The following SLC43A1 variants were observed in gnomAD, a reference collection of about 807,000 sequenced individuals.
The protein encoded by SLC43A1 is large neutral amino acids transporter small subunit 3.
In SLC43A1, 31 loss-of-function variants were observed where a neutral mutation model predicts 59.5. The ratio of observed to expected loss-of-function variants is 0.52; its 90% CI spans 0.39 to 0.70. SLC43A1 has a LOEUF of 0.70. Ranked by LOEUF, SLC43A1 falls within the 30% of genes least tolerant of loss-of-function variation. The probability of loss-of-function intolerance (pLI) is 0.00; values close to 1 mark genes in which losing one functional copy is unlikely to be tolerated. For synonymous variants in SLC43A1, 259 were observed against 290.9 expected (o/e 0.89, Z 1.12); for missense variants, 598 against 717.8 (o/e 0.83, Z 1.91).
Position 57,491,733 on chromosome 11 carries a change from G to A in SLC43A1, c.1001C>T (p.Thr334Ile). 1 of 1,614,246 alleles carries A rather than the reference G, an allele frequency of 6.2e-7. No homozygotes were observed. The highest frequency in any genetic ancestry group is 8.5e-7 in the Non-Finnish European group (1 of 1,180,040). ...TGCCTCACCATGCTCCTGGCCACCA[G>A]TCACAAGGTACTCCAGCATCTTGTT... ...AVNKMLEYLV[T>I]GGQEHETNEQ... The change falls in exon 9 of 15, where the codon ACT (threonine) becomes ATT (isoleucine). Residue 334 changes from threonine to isoleucine, a missense_variant. Coordinates refer to ENST00000278426, the MANE Select transcript of SLC43A1 (RefSeq NM_003627.6).
In SLC43A1 at chr11:57,502,688, T is replaced by C. The variant is rs548504868; in HGVS notation, c.155-1359A>G. Among the ~76,000 whole-genome samples, 9 of 151,956 alleles carry C rather than the reference T, an allele frequency of 5.9e-5. No individual in the cohort carries two copies. The South Asian group carries it at 8.3e-4, about 14-fold the overall frequency. On this transcript the variant is annotated intron_variant, in intron 2 of 14. Transcript: ENST00000278426. ...GAGTTCAAGACCAGCCTGAGCAACATTGGGAAACCTTGTCTTTACAAAACA... is the reference window on the plus strand; with the variant it reads ...GAGTTCAAGACCAGCCTGAGCAACACTGGGAAACCTTGTCTTTACAAAACA...
Position 57,491,620 on chromosome 11 carries a change from T to C in SLC43A1, c.1025A>G (p.Asn342Ser), listed in dbSNP as rs1204407979. ...LVTGGQEHETNEQQQKVAETV... is the reference protein window; with the variant it reads ...LVTGGQEHETSEQQQKVAETV... ...CTCTGCCACCTTTTGTTGCTGTTCA[T>C]TTGTCTCTGTGGGTAGGGAAACGTA... is the stretch of plus-strand genomic sequence containing the variant. Residue 342 changes from asparagine to serine, a missense_variant, in exon 10 of 15, where the codon AAT (asparagine) becomes AGT (serine). Coordinates refer to ENST00000278426, the MANE Select transcript of SLC43A1 (RefSeq NM_003627.6). The C allele has an allele frequency of 1.9e-6, 3 of 1,614,036 alleles. No homozygotes were observed. Among genetic ancestry groups the C allele is most frequent in the Non-Finnish European group, 2.5e-6 (3 of 1,180,030 alleles).
chr11:57,507,569 G>C (rs756776518), intron 2 of SLC43A1, among the ~76,000 whole-genome samples: 11 of 152,220 alleles, frequency 7.2e-5, no homozygotes, highest in Admixed American at 2.6e-4. Context: ...CTTGTATCCA[G>C]GAGGCTGAAG....
chr11:57,507,932 A>G (rs918085287), intron 2 of SLC43A1, among the ~76,000 whole-genome samples: 4 of 152,188 alleles, frequency 2.6e-5, no homozygotes, highest in African/African-American at 9.7e-5. Flanking sequence ...TAAGGTATGG[A>G]TTACTAGTCC....
intron 14 of SLC43A1, among the ~76,000 whole-genome samples, chr11:57,485,454 A>G (rs529815516): frequency 6.6e-6 from 1 of 152,358 alleles, no homozygotes; most frequent in East Asian, 1.9e-4. Flanking sequence ...AGGTATAACA[A>G]GTGGCAGGGC....
chr11:57,495,943 C>G lies in SLC43A1; in HGVS notation c.692+88G>C. On this transcript the variant is annotated intron_variant, in intron 7 of 14. Transcript: ENST00000278426. ...GCCAAGCAGAGGTCCAAGCCGAGGT[C>G]TCTCTGAATCCAAAGTTAATTCCGT... 9 of 1,468,762 alleles carry G rather than the reference C, an allele frequency of 6.1e-6. No individual in the cohort carries two copies. In the South Asian group the frequency reaches 6.7e-5, roughly 11 times the overall value. 91.0% of individuals were successfully genotyped at this position (1,468,762 alleles called of 1,614,324 possible).
chr11:57,498,797 G>A (rs1468635701), intron 5 of SLC43A1, among the ~76,000 whole-genome samples: 1 of 152,194 alleles, frequency 6.6e-6, no homozygotes, highest in Non-Finnish European at 1.5e-5. Context: ...ACCCACACCA[G>A]GAGAGAATTT....
Position 57,515,528 on chromosome 11 carries a change from G to A in SLC43A1, c.-98C>T, listed in dbSNP as rs1017418363. On this transcript the variant is annotated 5_prime_UTR_variant, in exon 1 of 15. Transcript: ENST00000278426. This position sits in a 1 kb window ranked among gnomAD's most constrained non-coding sequence, Gnocchi z 5.3. Reference sequence around the variant, plus strand: ...TTCGCGGCGCGTCCGGAGTCCCGTGGGCCCAGCCCTGAGCCGCGCCGGCGC... The same window carrying A: ...TTCGCGGCGCGTCCGGAGTCCCGTGAGCCCAGCCCTGAGCCGCGCCGGCGC... The A allele has an allele frequency of 6.6e-6, 1 of 152,224 alleles. No individual in the cohort carries two copies. Among genetic ancestry groups the A allele is most frequent in the African/African-American group, 2.4e-5 (1 of 41,458 alleles). 9.4% of individuals were successfully genotyped at this position (152,224 alleles called of 1,614,324 possible).
rs1275909025 is a variant in SLC43A1 at position 57,488,862 on chromosome 11, T to A, written c.1409+54A>T. The A allele has an allele frequency of 8.8e-6, 13 of 1,479,988 alleles. No individual in the cohort carries two copies. The East Asian group carries it at 2.7e-4, about 31-fold the overall frequency. 91.7% of individuals were successfully genotyped at this position (1,479,988 alleles called of 1,614,324 possible). ...GGGCCCTCCCAACCCTTCCCTGGGG[T>A]TCTCTGATCACGGTTGCAAAGCTCA... is the stretch of plus-strand genomic sequence containing the variant. On this transcript the variant is annotated intron_variant, in intron 13 of 14. Transcript: ENST00000278426.
At chr11:57,510,734 G>C (rs559842216) in intron 2 of SLC43A1, among the ~76,000 whole-genome samples, 1 of 152,060 alleles carries the variant, frequency 6.6e-6, no homozygotes, top group East Asian at 1.9e-4. Flanking sequence ...GCTCACGCCT[G>C]TAAATTCCAG....
intron 2 of SLC43A1, among the ~76,000 whole-genome samples, chr11:57,502,419 G>T (rs1944290500): frequency 6.6e-6 from 1 of 152,226 alleles, no homozygotes; most frequent in African/African-American, 2.4e-5. Context: ...AAAGAGCTTT[G>T]CACAGTGCCT....
intron 2 of SLC43A1, among the ~76,000 whole-genome samples, chr11:57,511,945 TAC>T (rs1190266541): frequency 6.6e-6 from 1 of 152,146 alleles, no homozygotes; most frequent in Admixed American, 6.5e-5. Context: ...CTGCTAATGG[TAC>T]AGAGTTACTT....
chr11:57,501,209 A>C lies in SLC43A1; in HGVS notation c.275T>G (p.Leu92Arg), dbSNP rs751303744. Residue 92 changes from leucine (L) to arginine (R), a missense_variant, in exon 3 of 15, where the codon CTG becomes CGG. By Grantham distance (102) the Leu-to-Arg change is moderately radical. Transcript: ENST00000278426. ...IGSFVLSATT[L>R]PLGILMDRFG... Reference sequence around the variant, plus strand: ...GCGGTCCATGAGGATCCCCAGTGGCAGGGTGGTGGCGCTGAGCACGAAGGA... The same window carrying C: ...GCGGTCCATGAGGATCCCCAGTGGCCGGGTGGTGGCGCTGAGCACGAAGGA... 1.2e-6 allele frequency: 2 copies of C among 1,612,444 alleles called. No individual in the cohort carries two copies. The highest frequency in any genetic ancestry group is 1.7e-6 in the Non-Finnish European group (2 of 1,180,030).
chr11:57,491,499 T>TG (rs1943900611), intron 10 of SLC43A1, 92 bp downstream of exon 10: 2 of 1,592,264 alleles, frequency 1.3e-6, no homozygotes, highest in African/African-American at 2.7e-5. Context: ...AAGGGTTACC[T>TG]GGGTGGGCCC....
intron 2 of SLC43A1, among the ~76,000 whole-genome samples, chr11:57,503,531 C>T (rs11229043): frequency 0.1 from 15,531 of 152,036 alleles, 1,024 homozygotes; most frequent in Admixed American, 0.14. Context: ...AACTGTTGCC[C>T]AGGCTGGTCT....
At position 57,515,169 on chromosome 11, in the gene SLC43A1, G is replaced by A. The variant is rs1944657052; in HGVS notation, c.-14+275C>T. 1.1e-5 allele frequency: 7 copies of A among 635,930 alleles called. No homozygotes were observed. Among genetic ancestry groups the A allele is most frequent in the East Asian group, 1.4e-4 (1 of 7,208 alleles). The allele number at this position is 635,930 out of a possible 1,614,324, so 39.4% of individuals were successfully genotyped here. A position where few individuals can be genotyped will look rare whatever the true frequency, so the allele number is the denominator to read the frequency against. Reference sequence around the variant, plus strand: ...GGGGCTTTGGGTTCAAGCGCTCCAGGAGGTCCGCTGGAACTCTGGCAAACG... The same window carrying A: ...GGGGCTTTGGGTTCAAGCGCTCCAGAAGGTCCGCTGGAACTCTGGCAAACG... On this transcript the variant is annotated intron_variant, in intron 1 of 14. Coordinates refer to ENST00000278426, the MANE Select transcript of SLC43A1 (RefSeq NM_003627.6). The surrounding 1 kb of genome is among the most constrained non-coding windows in gnomAD (Gnocchi z 5.3).
At chr11:57,498,605 G>A (rs1356462704) in intron 5 of SLC43A1, among the ~76,000 whole-genome samples, 1 of 152,066 alleles carries the variant, frequency 6.6e-6, no homozygotes, top group Non-Finnish European at 1.5e-5. Flanking sequence ...CCAAGGCTGT[G>A]ACCATGGCTG....
chr11:57,507,811 T>C (rs969371648), intron 2 of SLC43A1, among the ~76,000 whole-genome samples: 1 of 152,140 alleles, frequency 6.6e-6, no homozygotes, highest in Non-Finnish European at 1.5e-5. Context: ...CCAGAGAAGA[T>C]AAGGTCACAT....
intron 13 of SLC43A1, among the ~76,000 whole-genome samples, chr11:57,487,821 T>C (rs774053470): frequency 6.6e-6 from 1 of 151,880 alleles, no homozygotes; most frequent in Non-Finnish European, 1.5e-5. Flanking sequence ...GAAGGTAAGA[T>C]TGGGCACCTT....
Sources: allele counts gnomAD v4.1 joint callset (sites outside exome capture counted in the v4.1 genomes callset), GRCh38; gene constraint gnomAD v4.1.1; non-coding constraint Gnocchi (gnomAD v3.1); transcripts MANE v1.5; gene names NCBI Gene and HGNC (gene_info 2026-07-23, HGNC 2026-07-21).